XPA: variants seen among roughly 807,000 people sequenced by gnomAD.
XPA encodes DNA repair protein complementing XP-A cells.
A neutral mutation model predicts 35.7 loss-of-function variants in XPA; 27 were observed. That is an observed-to-expected ratio of 0.76 (90% CI 0.56 to 1.04). XPA has a LOEUF of 1.04. Among genes scored for constraint, XPA ranks in the 50% least tolerant of loss-of-function variants. XPA has a pLI of 0.00. For synonymous variants in XPA, 133 were observed against 118.4 expected (o/e 1.12, Z -0.80); for missense variants, 354 against 342.7 (o/e 1.03, Z -0.26).
intron 1 of XPA, 94 bp from the exon 2 acceptor site, chr9:97,693,853 T>G: frequency 8.9e-7 from 1 of 1,129,166 alleles, no homozygotes; most frequent in Non-Finnish European, 1.3e-6. Context: ...ATTCAATATA[T>G]CTCAAACAAC....
downstream of XPA, chr9:97,670,019 T>A: frequency 2.6e-6 from 1 of 389,594 alleles, no homozygotes; most frequent in Non-Finnish European, 4.9e-6. Flanking sequence ...ACCTCCTAGG[T>A]TTAAGCAATT....
the XPA span, chr9:97,668,785 A>C: frequency 6.4e-7 from 1 of 1,552,608 alleles, no homozygotes; most frequent in Non-Finnish European, 8.7e-7. Flanking sequence ...CTTCCCCTGG[A>C]GGAGATTTAA....
At chr9:97,657,927 T>TATATATA in the XPA span, among the ~76,000 whole-genome samples, 33 of 93,140 alleles carry the variant, frequency 3.5e-4, no homozygotes, top group African/African-American at 1.3e-3. Flanking sequence ...TATATATATA[T>TATATATA]TTTTTTTTTT....
At chr9:97,669,918 A>G (rs963339976), downstream of XPA, 23 of 508,786 alleles carry the variant, frequency 4.5e-5, no homozygotes, top group African/African-American at 4.8e-4. Context: ...CCCCCCAACA[A>G]CCCCCCGCCC....
chr9:97,671,021 A>G, downstream of XPA: 3 of 1,086,344 alleles, frequency 2.8e-6, no homozygotes, highest in Non-Finnish European at 1.4e-6. Context: ...TGCTGAAGGA[A>G]ATGTTCCACA....
chr9:97,656,376 G>A, the XPA span, among the ~76,000 whole-genome samples: 1 of 152,206 alleles, frequency 6.6e-6, no homozygotes, highest in Admixed American at 6.5e-5. Context: ...GATGTGAGGA[G>A]TTCAGGCTAG....
chr9:97,664,923 C>T, the XPA span, among the ~76,000 whole-genome samples: 1 of 152,178 alleles, frequency 6.6e-6, no homozygotes, highest in Non-Finnish European at 1.5e-5. Flanking sequence ...GGGGTTCTCA[C>T]CACAGTCATA....
chr9:97,657,278 T>G, the XPA span, among the ~76,000 whole-genome samples: 1 of 152,222 alleles, frequency 6.6e-6, no homozygotes, highest in African/African-American at 2.4e-5. Context: ...GTCTGAAATC[T>G]TATCCAGGTA....
At chr9:97,689,379 T>C (rs111573247) in intron 3 of XPA, among the ~76,000 whole-genome samples, 155 bp downstream of exon 3, 2 of 152,348 alleles carry the variant, frequency 1.3e-5, no homozygotes, top group African/African-American at 4.8e-5. Flanking sequence ...AGATTTACAG[T>C]ATTTGGCAAA....
intron 1 of XPA, among the ~76,000 whole-genome samples, chr9:97,696,715 A>G (rs1311882750): frequency 3.3e-5 from 5 of 152,218 alleles, no homozygotes; most frequent in African/African-American, 1.2e-4. Flanking sequence ...TGCCTCTTCC[A>G]TCAACTAGTT....
At chr9:97,694,481 G>T (rs1301412527) in intron 1 of XPA, among the ~76,000 whole-genome samples, 1 of 152,100 alleles carries the variant, frequency 6.6e-6, no homozygotes, top group East Asian at 1.9e-4. Context: ...TCACAAATGA[G>T]GATATCCAAA....
chr9:97,697,051 C>T, intron 1 of XPA, 70 bp downstream of exon 1: 1 of 1,468,304 alleles, frequency 6.8e-7, no homozygotes, highest in East Asian at 2.6e-5. Context: ...CGGGACTCGG[C>T]TTGCACGAGC....
At chr9:97,685,927 AGTC>A (rs1428680295) in intron 4 of XPA, among the ~76,000 whole-genome samples, 2 of 152,234 alleles carry the variant, frequency 1.3e-5, no homozygotes, top group African/African-American at 2.4e-5. Context: ...TGTGTGCAAA[AGTC>A]GTGATATATG....
downstream of XPA, chr9:97,673,151 A>T (rs1008248168): frequency 6.6e-6 from 1 of 152,200 alleles, no homozygotes; most frequent in Non-Finnish European, 1.5e-5. Context: ...AATATATAGC[A>T]TATAACATAC....
At chr9:97,664,446 A>AT in the XPA span, 19 of 1,575,812 alleles carry the variant, frequency 1.2e-5, no homozygotes, top group Non-Finnish European at 1.7e-5. Context: ...TTTACCAGGT[A>AT]ATATAAATTA....
intron 5 of XPA, among the ~76,000 whole-genome samples, chr9:97,678,109 G>T (rs3176734): frequency 3.9e-5 from 6 of 152,142 alleles, no homozygotes; most frequent in African/African-American, 1.4e-4. Context: ...CTCAAGAAAT[G>T]ATGACATAAG....
intron 1 of XPA, among the ~76,000 whole-genome samples, chr9:97,694,217 G>A (rs998041929): frequency 6.6e-6 from 1 of 152,228 alleles, no homozygotes; most frequent in Non-Finnish European, 1.5e-5. Flanking sequence ...GGTGATCTCA[G>A]CTAGAACTCC....
intron 2 of XPA, among the ~76,000 whole-genome samples, chr9:97,693,395 T>G (rs1301149376): frequency 6.6e-6 from 1 of 152,196 alleles, no homozygotes; most frequent in Admixed American, 6.5e-5. Context: ...ACCCTGCCTA[T>G]TATAAAACAA....
chr9:97,695,741 T>G (rs543973444), intron 1 of XPA, among the ~76,000 whole-genome samples: 4 of 152,204 alleles, frequency 2.6e-5, no homozygotes, highest in Non-Finnish European at 5.9e-5. Context: ...GAAAATTGTA[T>G]AGTACCATGA....
Sources: allele counts gnomAD v4.1 joint callset (sites outside exome capture counted in the v4.1 genomes callset), GRCh38; gene constraint gnomAD v4.1.1; transcripts MANE v1.5; gene names NCBI Gene and HGNC (gene_info 2026-07-23, HGNC 2026-07-21).